Variants in DEPDC5 observed in about 807,000 individuals in gnomAD.
DEPDC5 encodes GATOR1 complex protein DEPDC5.
Under a neutral mutation model 217.3 loss-of-function variants are expected in DEPDC5, and 73 were observed. The observed-to-expected ratio is 0.34, with a 90% CI of 0.28 to 0.41. DEPDC5 has a LOEUF of 0.41. Ranked by LOEUF, DEPDC5 falls within the 10% of genes least tolerant of loss-of-function variation. DEPDC5 has a pLI of 1.00. For synonymous variants in DEPDC5, 733 were observed against 756.7 expected, an observed-to-expected ratio of 0.97 and a Z score of 0.51; for missense variants, 1,675 against 2,070.1, an observed-to-expected ratio of 0.81 and a Z score of 3.70.
At chr22:31,759,526 A>C (rs775300498) in intron 3 of DEPDC5, among the ~76,000 whole-genome samples, 2 of 150,482 alleles carry the variant, frequency 1.3e-5, no homozygotes, top group Non-Finnish European at 3.0e-5. Context: ...GGCGCGTGCC[A>C]CCATGCTTGG....
intron 8 of DEPDC5, among the ~76,000 whole-genome samples, chr22:31,782,489 G>A (rs1207589557): frequency 6.6e-6 from 1 of 152,216 alleles, no homozygotes; most frequent in Non-Finnish European, 1.5e-5. Flanking sequence ...GGAGTGTTAA[G>A]AGATTTACAT....
At chr22:31,816,062 G>A (rs1252277616) in intron 21 of DEPDC5, 3 of 975,356 alleles carry the variant, frequency 3.1e-6, no homozygotes, top group Non-Finnish European at 3.7e-6. Context: ...CACTTTGGGA[G>A]GCCAAGGCGG....
intron 27 of DEPDC5, among the ~76,000 whole-genome samples, chr22:31,840,930 A>G (rs897234565): frequency 6.6e-6 from 1 of 152,240 alleles, no homozygotes; most frequent in Non-Finnish European, 1.5e-5. Context: ...ATATTTGATC[A>G]CAGATTGTGA....
rs754620536 is a variant in DEPDC5, at chr22:31,838,773, G to C, written c.2443G>C (p.Val815Leu). The C allele has an allele frequency of 6.2e-7, 1 of 1,614,132 alleles. No individual in the cohort carries two copies. Among genetic ancestry groups the C allele is most frequent in the Non-Finnish European group, 8.5e-7 (1 of 1,180,014 alleles). Reference protein sequence around the residue: ...QRLMQGYQIIVQPKTQKPNPA... With the variant: ...QRLMQGYQIILQPKTQKPNPA... ...TCTCATGCAGGGCTACCAAATCATA[G>C]TGCAGCCCAAGACACAGAAACCCAA... The change falls in exon 27 of 43, where the codon GTG becomes CTG. Residue 815 changes from valine (V) to leucine (L), a missense_variant. Coordinates refer to ENST00000651528, the MANE Select transcript of DEPDC5 (RefSeq NM_001242896.3).
At chr22:31,850,835 C>G (rs1555903698) in intron 31 of DEPDC5, among the ~76,000 whole-genome samples, 1 of 152,182 alleles carries the variant, frequency 6.6e-6, no homozygotes, top group Non-Finnish European at 1.5e-5. Flanking sequence ...CTTTGGGAGG[C>G]TGAGGCGGGT....
rs749528046 is a variant in DEPDC5, at chr22:31,857,534, A to C, written c.3245A>C (p.Tyr1082Ser). ...ESSSVAMTPTYMDSPRKDGAF... is the reference protein window; with the variant it reads ...ESSSVAMTPTSMDSPRKDGAF... Reference sequence around the variant, plus strand: ...AGCAGCGTTGCCATGACTCCCACCTACATGGACAGCCCACGAAAGGTAAAG... The same window carrying C: ...AGCAGCGTTGCCATGACTCCCACCTCCATGGACAGCCCACGAAAGGTAAAG... Residue 1082 changes from tyrosine (Y) to serine (S), a missense_variant, in exon 32 of 43, where the codon TAC becomes TCC. Coordinates refer to ENST00000651528, the MANE Select transcript of DEPDC5 (RefSeq NM_001242896.3). The C allele has an allele frequency of 6.2e-7, 1 of 1,611,456 alleles. No individual in the cohort carries two copies. The highest frequency in any genetic ancestry group is 8.5e-7 in the Non-Finnish European group (1 of 1,178,922).
At chr22:31,852,665 T>C (rs2092093320) in intron 31 of DEPDC5, among the ~76,000 whole-genome samples, 1 of 152,230 alleles carries the variant, frequency 6.6e-6, no homozygotes, top group Non-Finnish European at 1.5e-5. Context: ...ATCAAATTCC[T>C]GATGTCATTT....
At chr22:31,821,405 C>A (rs2089684601) in intron 22 of DEPDC5, 97 bp from the exon 23 acceptor site, 8 of 1,517,390 alleles carry the variant, frequency 5.3e-6, no homozygotes, top group Middle Eastern at 1.7e-4. Context: ...TCACCAACAT[C>A]TGTATCCCAG....
intron 40 of DEPDC5, 53 bp downstream of exon 40, chr22:31,897,706 A>G: frequency 1.3e-6 from 2 of 1,590,500 alleles, no homozygotes; most frequent in Admixed American, 1.7e-5. Context: ...CCCCGTCCCT[A>G]ACAAGGACAC....
At chr22:31,886,122 A>G (rs1194355709) in intron 38 of DEPDC5, among the ~76,000 whole-genome samples, 1 of 152,120 alleles carries the variant, frequency 6.6e-6, no homozygotes, top group Non-Finnish European at 1.5e-5. Context: ...CCTGGGCTCA[A>G]GCAGTCTTTC....
intron 19 of DEPDC5, 147 bp downstream of exon 19, chr22:31,809,794 A>C (rs2088037302): frequency 2.8e-6 from 2 of 719,650 alleles, no homozygotes; most frequent in Admixed American, 2.5e-5. Context: ...AGCCTTGCCA[A>C]CATGGTGAAA....
Position 31,833,951 on chromosome 22 carries a change from A to G in DEPDC5, c.2141A>G (p.Glu714Gly). ...AGGACCCAGAATAAGGATTCTCTAG[A>G]GGACAGTGTTTCTACCTCTCCAGAC... ...NPRTQNKDSL[E>G]DSVSTSPDPI... The change falls in exon 25 of 43, where the codon GAG becomes GGG. Residue 714 changes from glutamate to glycine, a missense_variant. This residue lies in a region of DEPDC5 where 136 missense variants were observed against 132.2 expected (regional missense o/e 1.03). Coordinates refer to ENST00000651528, the MANE Select transcript of DEPDC5 (RefSeq NM_001242896.3). 6.2e-7 allele frequency: 1 copy of G among 1,612,508 alleles called. No individual in the cohort carries two copies. The highest frequency in any genetic ancestry group is 1.1e-5 in the South Asian group (1 of 90,946).
At chr22:31,793,481 T>C (rs192829262) in intron 12 of DEPDC5, among the ~76,000 whole-genome samples, 136 of 152,288 alleles carry the variant, frequency 8.9e-4, no homozygotes, top group African/African-American at 3.1e-3. Context: ...CTAAGTAAAT[T>C]ATCAATATTG....
At chr22:31,897,238 G>C (rs559842191) in intron 39 of DEPDC5, among the ~76,000 whole-genome samples, 1 of 152,330 alleles carries the variant, frequency 6.6e-6, no homozygotes, top group East Asian at 1.9e-4. Context: ...AAACACCGAA[G>C]GTGCAGAAGT....
intron 33 of DEPDC5, among the ~76,000 whole-genome samples, chr22:31,869,773 G>A (rs2051583): frequency 0.1 from 15,799 of 152,026 alleles, 1,118 homozygotes; most frequent in African/African-American, 0.19. Context: ...CCTGTGAGTC[G>A]GTTTTCAGTG....
At chr22:31,792,130 A>G (rs1381255809) in intron 11 of DEPDC5, 28 bp downstream of exon 11, 2 of 1,557,578 alleles carry the variant, frequency 1.3e-6, no homozygotes, top group Non-Finnish European at 1.8e-6. Context: ...TCCTACAGTT[A>G]TGTTTTTGTT....
At chr22:31,784,728 T>G (rs2148414176) in intron 9 of DEPDC5, 86 bp from the exon 10 acceptor site, 2 of 1,325,812 alleles carry the variant, frequency 1.5e-6, no homozygotes, top group East Asian at 4.7e-5. Context: ...AAGAATTTAC[T>G]TAGAGAAGAA....
At chr22:31,792,633 GAC>G (rs2085806739) in intron 11 of DEPDC5, 110 bp from the exon 12 acceptor site, 1 of 170,012 alleles carries the variant, frequency 5.9e-6, no homozygotes, top group Non-Finnish European at 1.0e-5. Flanking sequence ...AAAAAAAAAA[GAC>G]AGTTATCTTT....
chr22:31,808,798 C>T (rs2087881193), intron 18 of DEPDC5, among the ~76,000 whole-genome samples: 1 of 152,116 alleles, frequency 6.6e-6, no homozygotes, highest in South Asian at 2.1e-4. Flanking sequence ...CTGACAACCT[C>T]AGGTGATCTA....
Sources: gnomAD v4.1 joint callset for allele counts (sites outside exome capture counted in the v4.1 genomes callset) on GRCh38, gnomAD v4.1.1 for gene constraint, gnomAD v4.1.1 regional missense constraint, MANE v1.5 for transcripts, NCBI Gene and HGNC (gene_info 2026-07-23, HGNC 2026-07-21) for gene names.